Variants in EYA2 observed in about 807,000 individuals in gnomAD.
EYA2 encodes the protein EYA transcriptional coactivator and phosphatase 2.
A neutral mutation model predicts 69.2 loss-of-function variants in EYA2; 31 were observed. The observed-to-expected ratio is 0.45, with a 90% CI of 0.34 to 0.60. The LOEUF is 0.60. Ranked by LOEUF, EYA2 falls within the 20% of genes least tolerant of loss-of-function variation. The pLI, the probability that EYA2 is intolerant of heterozygous loss-of-function variation, is 0.02. For missense variants in EYA2, 622 were observed against 701.2 expected, an observed-to-expected ratio of 0.89 and a Z score of 1.28; for synonymous variants, 257 against 279.4, an observed-to-expected ratio of 0.92 and a Z score of 0.80.
intron 7 of EYA2, among the ~76,000 whole-genome samples, chr20:47,076,012 T>C (rs951154696): frequency 1.6e-4 from 25 of 152,250 alleles, no homozygotes; most frequent in African/African-American, 6.0e-4. Context: ...GCCCTATCCA[T>C]GTTGGTTCAA....
At chr20:46,928,070 A>G (rs1568670559) in intron 1 of EYA2, among the ~76,000 whole-genome samples, 2 of 152,214 alleles carry the variant, frequency 1.3e-5, no homozygotes, top group East Asian at 1.9e-4. Context: ...TGAAGTAGGT[A>G]TTGTAATTAT....
At chr20:46,991,830 T>C (rs1981677176) in intron 2 of EYA2, among the ~76,000 whole-genome samples, 1 of 151,882 alleles carries the variant, frequency 6.6e-6, no homozygotes, top group Non-Finnish European at 1.5e-5. Context: ...TAGACAGGCG[T>C]GGTGGCACAC....
chr20:47,128,402 G>A (rs1237506651), intron 9 of EYA2, among the ~76,000 whole-genome samples: 1 of 152,144 alleles, frequency 6.6e-6, no homozygotes, highest in Admixed American at 6.5e-5. Flanking sequence ...CCTGAGAAAA[G>A]AATCAGGGCT....
chr20:46,966,595 T>G (rs1197198705), intron 1 of EYA2, among the ~76,000 whole-genome samples: 2 of 152,094 alleles, frequency 1.3e-5, no homozygotes, highest in Non-Finnish European at 2.9e-5. Context: ...GATCACGAGG[T>G]CAGGACATCG....
intron 7 of EYA2, among the ~76,000 whole-genome samples, chr20:47,084,620 G>T (rs2031834182): frequency 6.6e-6 from 1 of 152,126 alleles, no homozygotes; most frequent in African/African-American, 2.4e-5. Context: ...TATAGGGATG[G>T]CCAAAAGCAC....
intron 5 of EYA2, among the ~76,000 whole-genome samples, chr20:47,057,510 A>ACCCCC (rs796462817): frequency 1.1e-5 from 1 of 94,832 alleles, no homozygotes; most frequent in African/African-American, 3.4e-5. Context: ...TTTTTATATC[A>ACCCCC]CCCCCCCCCC....
chr20:47,016,325 G>A (rs775687789), intron 5 of EYA2, 28 bp downstream of exon 5: 186 of 1,570,716 alleles, frequency 1.2e-4, no homozygotes, highest in Non-Finnish European at 1.6e-4. Context: ...GCCCCTTCCT[G>A]CCCATCTCTA....
At chr20:47,042,004 A>C (rs758464149) in intron 5 of EYA2, among the ~76,000 whole-genome samples, 12 of 152,160 alleles carry the variant, frequency 7.9e-5, no homozygotes, top group Non-Finnish European at 1.6e-4. Context: ...ATATAAAATA[A>C]AATTGGTAAG....
In EYA2 at chr20:47,013,281, G is replaced by A. The variant is rs573892687; in HGVS notation, c.299-2900G>A. On this transcript the variant is annotated intron_variant, in intron 4 of 15. Transcript: ENST00000327619. ...CAGGCAGGAGAACTGCATGCTACTCGGGGCTGACTTAGGTCATAGAAGACC... is the reference window on the plus strand; with the variant it reads ...CAGGCAGGAGAACTGCATGCTACTCAGGGCTGACTTAGGTCATAGAAGACC... Among the ~76,000 whole-genome samples the A allele has an allele frequency of 9.2e-5, 14 of 152,282 alleles. No homozygotes were observed. In the East Asian group the frequency reaches 1.7e-3, roughly 19 times the overall value.
intron 4 of EYA2, among the ~76,000 whole-genome samples, chr20:47,008,383 C>T (rs1425530055): frequency 6.6e-6 from 1 of 152,206 alleles, no homozygotes; most frequent in Non-Finnish European, 1.5e-5. Flanking sequence ...ACCCACGGGG[C>T]TCCGACGCCT....
At chr20:47,176,418 C>T (rs1437581627) in intron 12 of EYA2, among the ~76,000 whole-genome samples, 2 of 152,098 alleles carry the variant, frequency 1.3e-5, no homozygotes, top group East Asian at 3.9e-4. Flanking sequence ...ATGATCACAC[C>T]TATTGAAGAA....
At chr20:46,991,912 G>T (rs1215569411) in intron 2 of EYA2, among the ~76,000 whole-genome samples, 4 of 145,720 alleles carry the variant, frequency 2.7e-5, no homozygotes, top group Non-Finnish European at 5.9e-5. Flanking sequence ...AGTTTGCAGT[G>T]AGCCGAGATC....
At chr20:46,973,030 T>C (rs1346832433) in intron 1 of EYA2, among the ~76,000 whole-genome samples, 1 of 152,178 alleles carries the variant, frequency 6.6e-6, no homozygotes, top group Non-Finnish European at 1.5e-5. Context: ...TGGGGAACTT[T>C]ATAATGGAGG....
rs540299149 is a variant in EYA2, at chr20:47,076,535, A to G, written c.661+2200A>G. On this transcript the variant is annotated intron_variant, in intron 7 of 15. Coordinates refer to ENST00000327619, the MANE Select transcript of EYA2 (RefSeq NM_005244.5). ...AAGTGTCTGTTCATGTCCTTTGCCC[A>G]TTTTTTAATCGGGTTATCTTTAAGG... 2.0e-5 allele frequency among the ~76,000 whole-genome samples: 3 copies of G among 152,212 alleles called. No individual in the cohort carries two copies. The South Asian group carries it at 6.2e-4, about 32-fold the overall frequency.
chr20:47,124,774 T>A (rs995430274), intron 9 of EYA2, among the ~76,000 whole-genome samples: 1 of 152,140 alleles, frequency 6.6e-6, no homozygotes, highest in African/African-American at 2.4e-5. Context: ...CACAATCCAT[T>A]TTATCTATTT....
At chr20:47,156,127 CATATATATATATATATATAT>C (rs752111640) in intron 10 of EYA2, among the ~76,000 whole-genome samples, 151 of 14,506 alleles carry the variant, frequency 0.01, 2 homozygotes, top group Middle Eastern at 0.023. Context: ...CACACACACA[CATATATATATATATATATAT>C]ATATATATAT....
intron 5 of EYA2, among the ~76,000 whole-genome samples, chr20:47,023,455 A>T (rs988503112): frequency 6.6e-6 from 1 of 151,938 alleles, no homozygotes; most frequent in African/African-American, 2.4e-5. Context: ...ATTTCCATCA[A>T]ATTTGGAAAT....
chr20:47,174,868 G>A (rs376801833), intron 12 of EYA2, among the ~76,000 whole-genome samples: 64 of 152,358 alleles, frequency 4.2e-4, no homozygotes, highest in African/African-American at 1.5e-3. Flanking sequence ...GCCCTTCAGG[G>A]CCACACTTGG....
chr20:46,922,861 G>A (rs545755127), intron 1 of EYA2, among the ~76,000 whole-genome samples: 8 of 152,250 alleles, frequency 5.3e-5, no homozygotes, highest in Admixed American at 3.3e-4. Context: ...AGAAATTGGT[G>A]ATCTGTATCA....
Sources: gnomAD v4.1 joint callset for allele counts (sites outside exome capture counted in the v4.1 genomes callset) on GRCh38, gnomAD v4.1.1 for gene constraint, MANE v1.5 for transcripts, NCBI Gene and HGNC (gene_info 2026-07-23, HGNC 2026-07-21) for gene names.